The following TTLL5 variants were observed in gnomAD, a reference collection of about 807,000 sequenced individuals.
TTLL5 encodes the protein tubulin tyrosine ligase like 5.
In TTLL5, 132 loss-of-function variants were observed where a neutral mutation model predicts 168.4. The ratio of observed to expected loss-of-function variants is 0.78; its 90% CI spans 0.68 to 0.91. The LOEUF (loss-of-function observed/expected upper bound fraction) is 0.91, where lower values mean the gene tolerates loss of function less well. Among genes scored for constraint, TTLL5 ranks in the 40% least tolerant of loss-of-function variants. The pLI is 0.00. For missense variants in TTLL5, 1,545 were observed against 1,581.5 expected (o/e 0.98, Z 0.39); for synonymous variants, 546 against 558.6 (o/e 0.98, Z 0.32).
At chr14:75,876,369 A>G (rs989297029) in intron 29 of TTLL5, among the ~76,000 whole-genome samples, 2 of 152,236 alleles carry the variant, frequency 1.3e-5, no homozygotes, top group African/African-American at 4.8e-5. Flanking sequence ...ACTGATCTCA[A>G]TTGGTTAGTG....
chr14:75,759,319 C>T (rs1482448849), intron 18 of TTLL5, among the ~76,000 whole-genome samples: 2 of 152,040 alleles, frequency 1.3e-5, no homozygotes, highest in East Asian at 3.9e-4. Context: ...GGGGGCAACA[C>T]CCAAACTGAT....
intron 31 of TTLL5, among the ~76,000 whole-genome samples, chr14:75,915,213 T>C (rs934482021): frequency 1.3e-5 from 2 of 152,202 alleles, no homozygotes; most frequent in Non-Finnish European, 2.9e-5. Context: ...CCATGAATTC[T>C]TTAGGTTCCT....
chr14:75,896,993 C>G (rs1595227607), intron 30 of TTLL5, among the ~76,000 whole-genome samples: 1 of 152,028 alleles, frequency 6.6e-6, no homozygotes, highest in Non-Finnish European at 1.5e-5. Flanking sequence ...GAGACTTGTA[C>G]TAGAAAAAAT....
intron 28 of TTLL5, among the ~76,000 whole-genome samples, chr14:75,858,656 A>G (rs1897254735): frequency 6.6e-6 from 1 of 152,250 alleles, no homozygotes; most frequent in Non-Finnish European, 1.5e-5. Flanking sequence ...TGTCAATGAT[A>G]AAATTACAGC....
At chr14:75,893,169 T>C (rs1450619634) in intron 30 of TTLL5, among the ~76,000 whole-genome samples, 1 of 152,214 alleles carries the variant, frequency 6.6e-6, no homozygotes, top group Non-Finnish European at 1.5e-5. Flanking sequence ...GATATGTGAC[T>C]CTGATAGGAG....
At chr14:75,692,343 A>G (rs956549153) in intron 6 of TTLL5, among the ~76,000 whole-genome samples, 1 of 152,150 alleles carries the variant, frequency 6.6e-6, no homozygotes, top group Non-Finnish European at 1.5e-5. Flanking sequence ...TGTTTTTACT[A>G]TGTTTTACTA....
At chr14:75,924,741 C>A (rs963670971) in intron 31 of TTLL5, among the ~76,000 whole-genome samples, 2 of 152,028 alleles carry the variant, frequency 1.3e-5, no homozygotes, top group Admixed American at 6.5e-5. Context: ...TCCTTCCCCC[C>A]TTTCTATTCC....
intron 9 of TTLL5, among the ~76,000 whole-genome samples, chr14:75,716,197 G>A (rs904303175): frequency 6.6e-6 from 1 of 152,222 alleles, no homozygotes; most frequent in South Asian, 2.1e-4. Context: ...GGGCACTGGG[G>A]TGTGACATGG....
At chr14:75,698,046 T>A (rs1241392987) in intron 6 of TTLL5, among the ~76,000 whole-genome samples, 1 of 152,218 alleles carries the variant, frequency 6.6e-6, no homozygotes, top group East Asian at 1.9e-4. Flanking sequence ...TCATCCCATC[T>A]CTGCTTTGAA....
At chr14:75,669,581 T>TA in intron 3 of TTLL5, 59 bp downstream of exon 3, 4 of 1,470,618 alleles carry the variant, frequency 2.7e-6, no homozygotes, top group Non-Finnish European at 3.7e-6. Context: ...GTCCTTGTCT[T>TA]AAAGAAGTTG....
At chr14:75,732,304 T>C in intron 12 of TTLL5, 34 bp from the exon 13 acceptor site, 1 of 1,584,172 alleles carries the variant, frequency 6.3e-7, no homozygotes, top group Non-Finnish European at 8.6e-7. Context: ...ACATGGAAAA[T>C]GATCTTGTGT....
At chr14:75,912,405 G>A (rs1467686381) in intron 31 of TTLL5, among the ~76,000 whole-genome samples, 1 of 152,052 alleles carries the variant, frequency 6.6e-6, no homozygotes, top group East Asian at 1.9e-4. Flanking sequence ...TTTTTCAGAT[G>A]GGATTGTAGC....
intron 30 of TTLL5, chr14:75,887,225 G>A (rs551263594): frequency 4.0e-6 from 4 of 990,492 alleles, no homozygotes; most frequent in Non-Finnish European, 3.6e-6. Flanking sequence ...TGAACATGTG[G>A]TGAGGTCAGC....
intron 7 of TTLL5, among the ~76,000 whole-genome samples, chr14:75,700,437 G>A (rs564304728): frequency 3.9e-5 from 6 of 152,218 alleles, no homozygotes; most frequent in East Asian, 3.9e-4. Flanking sequence ...AGGAACACTC[G>A]ACTGGTAAGG....
intron 1 of TTLL5, 114 bp from the exon 2 acceptor site, chr14:75,662,941 G>A: frequency 1.5e-6 from 1 of 655,338 alleles, no homozygotes; most frequent in South Asian, 1.7e-5. Context: ...TAGAGGTTGA[G>A]CACTGTTTAG....
rs185543268 is a variant in TTLL5 at position 75,856,720 on chromosome 14, G to A, written c.3327-6947G>A. Reference sequence around the variant, plus strand: ...CAGCTTACTGCAACCTCTGCCTCCCGGGTTCAAGTGATTCTCCTGCCTCAG... The same window carrying A: ...CAGCTTACTGCAACCTCTGCCTCCCAGGTTCAAGTGATTCTCCTGCCTCAG... On this transcript the variant is annotated intron_variant, in intron 28 of 31. Transcript: ENST00000298832. Among the ~76,000 whole-genome samples the A allele has an allele frequency of 6.7e-5, 10 of 149,620 alleles. No homozygotes were observed. The South Asian group carries it at 1.3e-3, about 19-fold the overall frequency.
chr14:75,823,172 C>G (rs1167452735), intron 28 of TTLL5, among the ~76,000 whole-genome samples: 1 of 152,168 alleles, frequency 6.6e-6, no homozygotes, highest in Non-Finnish European at 1.5e-5. Context: ...GTGATGTTTT[C>G]AGTTTCTAGG....
intron 12 of TTLL5, among the ~76,000 whole-genome samples, chr14:75,728,106 A>G (rs1459724078): frequency 6.6e-6 from 1 of 152,244 alleles, no homozygotes; most frequent in African/African-American, 2.4e-5. Context: ...CTGTAATCCC[A>G]GCACTTTGGG....
Position 75,863,705 on chromosome 14 carries a change from T to G in TTLL5, c.3365T>G (p.Val1122Gly). ...GGGGGATTTGCCTGGGAAGGAGAAG[T>G]AGAAAACAACGTGTACAGCCAGGCT... ...QTGGFAWEGE[V>G]ENNVYSQATG... Residue 1122 changes from valine (V) to glycine (G), a missense_variant, in exon 29 of 32, where the codon GTA becomes GGA. Physicochemically the swap from Val to Gly is moderately radical, Grantham distance 109. Coordinates refer to ENST00000298832, the MANE Select transcript of TTLL5 (RefSeq NM_015072.5). 6.2e-7 allele frequency: 1 copy of G among 1,612,408 alleles called. No individual in the cohort carries two copies. The highest frequency in any genetic ancestry group is 8.5e-7 in the Non-Finnish European group (1 of 1,179,410).
Sources: gnomAD v4.1 joint callset for allele counts (sites outside exome capture counted in the v4.1 genomes callset) on GRCh38, gnomAD v4.1.1 for gene constraint, MANE v1.5 for transcripts, NCBI Gene and HGNC (gene_info 2026-07-23, HGNC 2026-07-21) for gene names.